CHAF1A: variants seen among roughly 807,000 people sequenced by gnomAD.
CHAF1A encodes CAF-1 subunit A.
In CHAF1A, 5 loss-of-function variants were observed where a neutral mutation model predicts 93.2. The observed-to-expected ratio is 0.05, with a 90% confidence interval of 0.03 to 0.11. CHAF1A has a LOEUF of 0.11. Ranked by LOEUF, CHAF1A falls within the 10% of genes least tolerant of loss-of-function variation. The pLI, the probability that CHAF1A is intolerant of heterozygous loss-of-function variation, is 1.00. For synonymous variants in CHAF1A, 504 were observed against 510.3 expected (o/e 0.99, Z 0.17); for missense variants, 1,102 against 1,259.9 (o/e 0.87, Z 1.90).
rs1401454638 is a variant in CHAF1A, at chr19:4,409,145, A to G, written c.346A>G (p.Ile116Val). Reference protein sequence around the residue: ...IETSIGQSTVIIDLTEDSNEQ... With the variant: ...IETSIGQSTVVIDLTEDSNEQ... The stretch of plus-strand genomic sequence containing the variant: ...AACCAGTATTGGCCAGAGCACAGTC[A>G]TCATTGATTTGACAGAGGACTCGAA... Residue 116 changes from isoleucine (I) to valine (V), a missense_variant, in exon 3 of 15, where the codon ATC becomes GTC. Physicochemically the swap from Ile to Val is conservative, Grantham distance 29. Around this residue, in one of 6 missense-constraint regions of CHAF1A, gnomAD observed 379 missense variants for 365.7 expected, o/e 1.04. Coordinates refer to ENST00000301280, the MANE Select transcript of CHAF1A (RefSeq NM_005483.3). 1.9e-6 allele frequency: 3 copies of G among 1,614,218 alleles called. No homozygotes were observed. Among genetic ancestry groups the G allele is most frequent in the Non-Finnish European group, 2.5e-6 (3 of 1,180,042 alleles).
At position 4,430,538 on chromosome 19, in the gene CHAF1A, C is replaced by A; in HGVS notation, c.1855-11C>A. 2 of 1,471,648 alleles carry A rather than the reference C, an allele frequency of 1.4e-6. No individual in the cohort carries two copies. The highest frequency in any genetic ancestry group is 9.4e-7 in the Non-Finnish European group (1 of 1,062,598). 91.2% of individuals were successfully genotyped at this position (1,471,648 alleles called of 1,614,324 possible). A position where few individuals can be genotyped will look rare whatever the true frequency, so the allele number is the denominator to read the frequency against. On this transcript the variant is annotated splice_polypyrimidine_tract_variant and intron_variant, in intron 10 of 14. Coordinates refer to ENST00000301280, the MANE Select transcript of CHAF1A (RefSeq NM_005483.3). The stretch of plus-strand genomic sequence containing the variant: ...CTATCTGATGAACTCTTTTTTTTTT[C>A]TCCTTTTGAGGATGATGATGACGAC...
At chr19:4,445,636 T>C, downstream of CHAF1A, 1 of 1,610,814 alleles carries the variant, frequency 6.2e-7, no homozygotes, top group South Asian at 1.1e-5. Flanking sequence ...GCGGTAGGGG[T>C]AGGCCGTCAC....
Position 4,432,127 on chromosome 19 carries a change from C to T in CHAF1A, c.2123C>T (p.Ala708Val). 1.2e-6 allele frequency: 2 copies of T among 1,613,696 alleles called. No individual in the cohort carries two copies. The highest frequency in any genetic ancestry group is 1.1e-5 in the South Asian group (1 of 91,072). Residue 708 changes from alanine to valine, a missense_variant, in exon 12 of 15, where the codon GCA (alanine) becomes GTA (valine). By Grantham distance (64) the Ala-to-Val change is moderately conservative. Coordinates refer to ENST00000301280, the MANE Select transcript of CHAF1A (RefSeq NM_005483.3). Reference protein sequence around the residue: ...GDDLKVLQQFAACFLETLPAQ... With the variant: ...GDDLKVLQQFVACFLETLPAQ... ...GACCTGAAGGTACTGCAGCAGTTCG[C>T]AGCCTGCTTCCTGGAGACCCTGCCG...
intron 2 of CHAF1A, among the ~76,000 whole-genome samples, chr19:4,407,646 T>G (rs1160309173): frequency 1.3e-5 from 2 of 152,188 alleles, no homozygotes; most frequent in Non-Finnish European, 2.9e-5. Flanking sequence ...AGGATTTTGT[T>G]TTTTAAGTTA....
Position 4,422,151 on chromosome 19 carries a change from A to C in CHAF1A, c.1018-415A>C, listed in dbSNP as rs1284536800. ...CAGCCTCCCCAGTAGCTGGGATTAC[A>C]GGCGCCCACCATGCCTGGCTAGTTT... is the stretch of plus-strand genomic sequence containing the variant. On this transcript the variant is annotated intron_variant, in intron 4 of 14. Coordinates refer to ENST00000301280, the MANE Select transcript of CHAF1A (RefSeq NM_005483.3). The surrounding 1 kb of genome is among the most constrained non-coding windows in gnomAD (Gnocchi z 4.6). 6.6e-6 allele frequency among the ~76,000 whole-genome samples: 1 copy of C among 151,884 alleles called. No homozygotes were observed. The highest frequency in any genetic ancestry group is 1.5e-5 in the Non-Finnish European group (1 of 67,986).
chr19:4,404,987 T>C (rs1296121620), intron 1 of CHAF1A, among the ~76,000 whole-genome samples: 3 of 152,166 alleles, frequency 2.0e-5, no homozygotes, highest in African/African-American at 4.8e-5. Context: ...GGATCCCTTT[T>C]CTGATTTTAC....
At chr19:4,431,331 G>A (rs1974179214) in intron 11 of CHAF1A, among the ~76,000 whole-genome samples, 1 of 151,928 alleles carries the variant, frequency 6.6e-6, no homozygotes, top group African/African-American at 2.4e-5. Context: ...AGTTCATTAT[G>A]TTGGCCAGGC....
chr19:4,418,994 C>G (rs1973944195), intron 4 of CHAF1A, among the ~76,000 whole-genome samples: 1 of 148,954 alleles, frequency 6.7e-6, no homozygotes, highest in Non-Finnish European at 1.5e-5. Flanking sequence ...TCCCGAGTAG[C>G]TGGGACTACA....
At chr19:4,423,082 G>C (rs1012157258) in intron 5 of CHAF1A, among the ~76,000 whole-genome samples, 5 of 152,092 alleles carry the variant, frequency 3.3e-5, no homozygotes, top group Non-Finnish European at 5.9e-5. Flanking sequence ...CAGGATTGTG[G>C]GTTTTGTCTG....
chr19:4,448,473 C>T (rs561316501), downstream of CHAF1A: 25 of 1,403,390 alleles, frequency 1.8e-5, no homozygotes, highest in African/African-American at 5.7e-5. Flanking sequence ...CACGGCCCTC[C>T]GCTGCCCAGG....
Position 4,409,182 on chromosome 19 carries a change from A to C in CHAF1A, c.383A>C (p.Asp128Ala), listed in dbSNP as rs546954156. 22 of 1,614,122 alleles carry C rather than the reference A, an allele frequency of 1.4e-5. No individual in the cohort carries two copies. Among genetic ancestry groups the C allele is most frequent in the East Asian group, 1.1e-4 (5 of 44,902 alleles). Reference protein sequence around the residue: ...DLTEDSNEQPDSLVDHNKLNS... With the variant: ...DLTEDSNEQPASLVDHNKLNS... ...ACAGAGGACTCGAATGAGCAGCCAG[A>C]CAGTCTTGTGGACCACAATAAACTA... The change falls in exon 3 of 15, where the codon GAC (aspartate) becomes GCC (alanine). Residue 128 changes from aspartate to alanine, a missense_variant. Coordinates refer to ENST00000301280, the MANE Select transcript of CHAF1A (RefSeq NM_005483.3).
At chr19:4,442,838 G>T in intron 14 of CHAF1A, 87 bp from the exon 15 acceptor site, 1 of 984,536 alleles carries the variant, frequency 1.0e-6, no homozygotes. Context: ...GGTTGTTGCA[G>T]GCCCCATGAG....
At position 4,429,473 on chromosome 19, in the gene CHAF1A, G is replaced by A; in HGVS notation, c.1640G>A (p.Gly547Asp). ...ATCGTGGAGCGTGGGAAGGGCGACG[G>A]TGTTCCCGAGAGGAGGAAGTTTGGC... is the stretch of plus-strand genomic sequence containing the variant. ...VVIVERGKGD[G>D]VPERRKFGRM... The change falls in exon 9 of 15, where the codon GGT becomes GAT. Residue 547 changes from glycine (G) to aspartate (D), a missense_variant. By Grantham distance (94) the Gly-to-Asp change is moderately conservative. Coordinates refer to ENST00000301280, the MANE Select transcript of CHAF1A (RefSeq NM_005483.3). 1.2e-6 allele frequency: 2 copies of A among 1,614,036 alleles called. No homozygotes were observed. Among genetic ancestry groups the A allele is most frequent in the Non-Finnish European group, 1.7e-6 (2 of 1,179,996 alleles).
downstream of CHAF1A, chr19:4,445,689 C>G (rs1231108097): frequency 1.3e-6 from 2 of 1,576,160 alleles, no homozygotes; most frequent in Non-Finnish European, 1.7e-6. Flanking sequence ...GGGAACTCAG[C>G]GGGCAACCTG....
At chr19:4,418,409 CTTTTTTTTTT>C (rs10549561) in intron 4 of CHAF1A, among the ~76,000 whole-genome samples, 161 of 107,032 alleles carry the variant, frequency 1.5e-3, no homozygotes, top group South Asian at 2.9e-3. Flanking sequence ...AGTCCTGTCT[CTTTTTTTTTT>C]TTTTTTTTTT....
chr19:4,405,256 G>A (rs887168012), intron 1 of CHAF1A, among the ~76,000 whole-genome samples: 11 of 152,074 alleles, frequency 7.2e-5, no homozygotes, highest in African/African-American at 9.7e-5. Flanking sequence ...TAATAAACAC[G>A]AAAGTTTCAG....
downstream of CHAF1A, among the ~76,000 whole-genome samples, chr19:4,443,776 C>T (rs1974443238): frequency 6.6e-6 from 1 of 152,144 alleles, no homozygotes; most frequent in Admixed American, 6.5e-5. Context: ...TAGAAGGTGA[C>T]CTCCTCCCCG....
intron 7 of CHAF1A, among the ~76,000 whole-genome samples, chr19:4,425,469 G>A (rs1295943331): frequency 6.6e-6 from 1 of 152,064 alleles, no homozygotes; most frequent in Non-Finnish European, 1.5e-5. Flanking sequence ...GGCCAGGCTG[G>A]TCTTGAACTC....
At chr19:4,434,944 C>T (rs1240371536) in intron 13 of CHAF1A, among the ~76,000 whole-genome samples, 2 of 152,088 alleles carry the variant, frequency 1.3e-5, no homozygotes, top group African/African-American at 4.8e-5. Context: ...ACTGTCTGGT[C>T]TTAAGAAACT....
Sources: allele counts gnomAD v4.1 joint callset (sites outside exome capture counted in the v4.1 genomes callset), GRCh38; gene constraint gnomAD v4.1.1; regional missense constraint gnomAD v4.1.1; non-coding constraint Gnocchi (gnomAD v3.1); transcripts MANE v1.5; gene names NCBI Gene and HGNC (gene_info 2026-07-23, HGNC 2026-07-21).